The following IMMP2L variants were observed in gnomAD, a reference collection of about 807,000 sequenced individuals.
IMMP2L encodes inner mitochondrial membrane peptidase subunit 2, also known as mitochondrial inner membrane protease subunit 2.
A neutral mutation model predicts 19.3 loss-of-function variants in IMMP2L; 18 were observed. The ratio of observed to expected loss-of-function variants is 0.93; its 90% CI spans 0.64 to 1.38. The LOEUF (loss-of-function observed/expected upper bound fraction) is 1.38. Among genes scored for constraint, IMMP2L ranks in the 40% most tolerant of loss-of-function variants. IMMP2L has a pLI of 0.00. For synonymous variants in IMMP2L, 76 were observed against 73.0 expected (o/e 1.04, Z -0.21); for missense variants, 233 against 218.2 (o/e 1.07, Z -0.43).
intron 5 of IMMP2L, among the ~76,000 whole-genome samples, chr7:110,768,722 T>C (rs575868342): frequency 4.6e-5 from 7 of 152,268 alleles, no homozygotes; most frequent in South Asian, 4.1e-4. Context: ...CAAGCTGAAA[T>C]AGACATCCCT....
chr7:111,103,735 A>C (rs1798234974), intron 3 of IMMP2L, among the ~76,000 whole-genome samples: 1 of 151,698 alleles, frequency 6.6e-6, no homozygotes. Flanking sequence ...CGGGTGCAGA[A>C]GAACTTTTTT....
At chr7:110,774,674 G>A (rs1361491368) in intron 5 of IMMP2L, among the ~76,000 whole-genome samples, 1 of 151,964 alleles carries the variant, frequency 6.6e-6, no homozygotes, top group Non-Finnish European at 1.5e-5. Context: ...TGTGTTACAA[G>A]TGCCTACGGT....
At chr7:110,858,969 T>G (rs1017171855) in intron 5 of IMMP2L, among the ~76,000 whole-genome samples, 11 of 152,172 alleles carry the variant, frequency 7.2e-5, no homozygotes, top group Non-Finnish European at 1.0e-4. Context: ...TTCAAATCAC[T>G]TCTTTCTACT....
intron 3 of IMMP2L, among the ~76,000 whole-genome samples, chr7:111,446,199 C>T (rs540144221): frequency 0.023 from 3,511 of 152,258 alleles, 129 homozygotes; most frequent in African/African-American, 0.08. Context: ...CTGGGTGGAG[C>T]CCGCCACAGC....
intron 3 of IMMP2L, among the ~76,000 whole-genome samples, chr7:111,117,948 A>G (rs139445263): frequency 6.6e-6 from 1 of 152,232 alleles, no homozygotes; most frequent in East Asian, 1.9e-4. Flanking sequence ...TAGCATTGCA[A>G]AAACTCATCT....
At chr7:111,138,225 T>C (rs923933894) in intron 3 of IMMP2L, among the ~76,000 whole-genome samples, 2 of 152,230 alleles carry the variant, frequency 1.3e-5, no homozygotes, top group African/African-American at 2.4e-5. Context: ...TAATGTCATA[T>C]TGCCTAGAGT....
chr7:110,949,003 C>T (rs1485861401), intron 4 of IMMP2L, among the ~76,000 whole-genome samples: 2 of 152,154 alleles, frequency 1.3e-5, no homozygotes, highest in Non-Finnish European at 2.9e-5. Context: ...TGCTCCCCTG[C>T]CCCCACCAGG....
intron 2 of IMMP2L, among the ~76,000 whole-genome samples, chr7:111,499,533 G>A (rs565807943): frequency 6.6e-6 from 1 of 152,164 alleles, no homozygotes; most frequent in African/African-American, 2.4e-5. Flanking sequence ...AGAGACTTAT[G>A]AAGTGAAAAG....
At chr7:111,011,534 G>A (rs940399005) in intron 3 of IMMP2L, among the ~76,000 whole-genome samples, 7 of 152,098 alleles carry the variant, frequency 4.6e-5, no homozygotes, top group Non-Finnish European at 7.4e-5. Flanking sequence ...AAGGGGGAGG[G>A]AGGCAATAAA....
At position 110,852,199 on chromosome 7, in the gene IMMP2L, A is replaced by AGGATGGATGGAT. The variant is rs35319498; in HGVS notation, c.408+34382_408+34393dup. Among the ~76,000 whole-genome samples, 231 of 148,852 alleles carry AGGATGGATGGAT rather than the reference A, an allele frequency of 1.6e-3. 2 individuals carry two copies. Among genetic ancestry groups the AGGATGGATGGAT allele is most frequent in the South Asian group, 3.1e-3 (14 of 4,558 alleles). ...GCCACAGGATGGATGGGTGGATGGA[A>AGGATGGATGGAT]GGATGGATGGATGGATGGATGGATG... On this transcript the variant is annotated intron_variant, in intron 5 of 5. Transcript: ENST00000405709.
intron 3 of IMMP2L, among the ~76,000 whole-genome samples, chr7:111,304,249 A>T (rs1448827588): frequency 6.6e-6 from 1 of 152,088 alleles, no homozygotes; most frequent in Non-Finnish European, 1.5e-5. Flanking sequence ...TTCTGTCATG[A>T]GATGAGAAAT....
chr7:111,474,960 G>A (rs759198826), intron 3 of IMMP2L, among the ~76,000 whole-genome samples: 2 of 151,838 alleles, frequency 1.3e-5, no homozygotes, highest in Non-Finnish European at 1.5e-5. Context: ...AATACTATAC[G>A]GTAACTTTCT....
chr7:111,518,122 G>A (rs1236115518), intron 2 of IMMP2L, among the ~76,000 whole-genome samples: 1 of 151,806 alleles, frequency 6.6e-6, no homozygotes, highest in East Asian at 1.9e-4. Context: ...AATACTTAAT[G>A]AATTGCAAAT....
Position 110,850,050 on chromosome 7 carries a change from A to G in IMMP2L, c.408+36543T>C, listed in dbSNP as rs182678983. On this transcript the variant is annotated intron_variant, in intron 5 of 5. Transcript: ENST00000405709. ...ATGTAGAAGATAATGAAATTTTAAAATGATATAATTGTCTACCTAGAAATT... is the reference window on the plus strand; with the variant it reads ...ATGTAGAAGATAATGAAATTTTAAAGTGATATAATTGTCTACCTAGAAATT... Among the ~76,000 whole-genome samples the G allele has an allele frequency of 7.9e-5, 12 of 152,180 alleles. No homozygotes were observed. The East Asian group carries it at 2.1e-3, about 27-fold the overall frequency.
intron 5 of IMMP2L, among the ~76,000 whole-genome samples, chr7:110,674,498 A>C (rs1792147765): frequency 6.6e-6 from 1 of 152,220 alleles, no homozygotes; most frequent in African/African-American, 2.4e-5. Flanking sequence ...CAGGAGAAAC[A>C]ACCTGCACTT....
chr7:111,283,565 G>A (rs1820136264), intron 3 of IMMP2L, among the ~76,000 whole-genome samples: 2 of 152,088 alleles, frequency 1.3e-5, no homozygotes, highest in Non-Finnish European at 2.9e-5. Context: ...AATGGCAGTC[G>A]AGGAAGACGA....
rs991897730 is a variant in IMMP2L, at chr7:111,439,480, A to G, written c.239+47758T>C. The stretch of plus-strand genomic sequence containing the variant: ...AGTCACACGAATTTTTTGGTTTCAC[A>G]GTGTATATAAAAGTTACATTTACAC... On this transcript the variant is annotated intron_variant, in intron 3 of 5. Coordinates refer to ENST00000405709, the MANE Select transcript of IMMP2L (RefSeq NM_032549.4). Among the ~76,000 whole-genome samples the G allele has an allele frequency of 5.3e-5, 8 of 151,954 alleles. 1 individual carries two copies. The highest frequency in any genetic ancestry group is 1.9e-4 in the African/African-American group (8 of 41,226).
At chr7:110,992,076 G>C (rs1314661979) in intron 3 of IMMP2L, among the ~76,000 whole-genome samples, 1 of 152,002 alleles carries the variant, frequency 6.6e-6, no homozygotes, top group African/African-American at 2.4e-5. Flanking sequence ...GTTTTTCATT[G>C]CATCAATTAT....
intron 3 of IMMP2L, among the ~76,000 whole-genome samples, chr7:111,410,574 A>G (rs1834316668): frequency 6.6e-6 from 1 of 151,682 alleles, no homozygotes; most frequent in South Asian, 2.1e-4. Context: ...GCCCACAACT[A>G]GGAGAAAAAT....
Sources: allele counts gnomAD v4.1 joint callset (sites outside exome capture counted in the v4.1 genomes callset), GRCh38; gene constraint gnomAD v4.1.1; transcripts MANE v1.5; gene names NCBI Gene and HGNC (gene_info 2026-07-23, HGNC 2026-07-21).